Variants in ABCC6 observed in about 807,000 individuals in gnomAD.
ABCC6 encodes ATP-binding cassette sub-family C member 6.
In ABCC6, 126 loss-of-function variants were observed where a neutral mutation model predicts 169.5. That is an observed-to-expected ratio of 0.74 (90% CI 0.64 to 0.86). The LOEUF (loss-of-function observed/expected upper bound fraction) is 0.86, where lower values mean the gene tolerates loss of function less well. ABCC6 is among the 40% of genes least tolerant of loss of function. The pLI is 0.00. For synonymous variants in ABCC6, 752 were observed against 814.7 expected (o/e 0.92, Z 1.31); for missense variants, 1,733 against 1,927.2 (o/e 0.90, Z 1.89).
rs375196952 is a variant in ABCC6 at position 16,169,853 on chromosome 16, C to A, written c.2788G>T (p.Val930Leu). Residue 930 changes from valine to leucine, a missense_variant and splice_region_variant, in exon 22 of 31, where the codon GTG becomes TTG. By Grantham distance (32) the Val-to-Leu change is conservative. Around this residue, in one of 5 missense-constraint regions of ABCC6, gnomAD observed 1,601 missense variants for 1,635.5 expected, o/e 0.98. Coordinates refer to ENST00000205557, the MANE Select transcript of ABCC6 (RefSeq NM_001171.6). ...AGKDSIQYGR[V>L]KATVHLAYLR... ...TAGGCCAGGTGCACTGTGGCCTTCA[C>A]CTGTAGCACACATGAGGGAGAGGGA... 2 of 1,552,314 alleles carry A rather than the reference C, an allele frequency of 1.3e-6. No individual in the cohort carries two copies. The highest frequency in any genetic ancestry group is 2.7e-5 in the African/African-American group (2 of 73,124).
At chr16:16,157,856 T>C (rs1567469692) in intron 26 of ABCC6, 47 bp from the exon 27 acceptor site, 3 of 1,582,856 alleles carry the variant, frequency 1.9e-6, no homozygotes, top group South Asian at 2.2e-5. Flanking sequence ...CCTCTAAGAC[T>C]TCACACAAGA....
Position 16,187,229 on chromosome 16 carries a change from G to C in ABCC6, c.1780-18C>G. Reference sequence around the variant, plus strand: ...ACCCGGGCCTAGGAAAACCGAAGCCGCAGGTCACCCAGCAAGAAGAGCAAA... The same window carrying C: ...ACCCGGGCCTAGGAAAACCGAAGCCCCAGGTCACCCAGCAAGAAGAGCAAA... On this transcript the variant is annotated intron_variant, in intron 13 of 30. Coordinates refer to ENST00000205557, the MANE Select transcript of ABCC6 (RefSeq NM_001171.6). The C allele has an allele frequency of 6.2e-7, 1 of 1,606,706 alleles. No homozygotes were observed. Among genetic ancestry groups the C allele is most frequent in the Non-Finnish European group, 8.5e-7 (1 of 1,175,404 alleles).
At chr16:16,184,819 G>T in intron 15 of ABCC6, 140 bp downstream of exon 15, 1 of 891,688 alleles carries the variant, frequency 1.1e-6, no homozygotes, top group Non-Finnish European at 1.9e-6. Context: ...AACCTCCCCG[G>T]CAGAGCCCCA....
chr16:16,153,048 G>A (rs1401458860), intron 29 of ABCC6, among the ~76,000 whole-genome samples: 2 of 152,068 alleles, frequency 1.3e-5, no homozygotes, highest in Non-Finnish European at 2.9e-5. Context: ...GGGATTACAG[G>A]CGCCTGCCGC....
Position 16,188,896 on chromosome 16 carries a change from T to G in ABCC6, c.1714A>C (p.Thr572Pro), listed in dbSNP as rs1161212662. ...GCCTTGTTGAGGATGTTGAGAACTG[T>G]GAGAGTCACAAAGGCTTTCTCTGCA... ...MNAEKAFVTL[T>P]VLNILNKAQA... The change falls in exon 13 of 31, where the codon ACA becomes CCA. Residue 572 changes from threonine (T) to proline (P), a missense_variant. Transcript: ENST00000205557. 6.2e-7 allele frequency: 1 copy of G among 1,614,054 alleles called. No individual in the cohort carries two copies. The highest frequency in any genetic ancestry group is 1.7e-5 in the Admixed American group (1 of 60,024).
In ABCC6 at chr16:16,187,156, G is replaced by A. The variant is rs777763168; in HGVS notation, c.1835C>T (p.Pro612Leu). 7 of 1,613,602 alleles carry A rather than the reference G, an allele frequency of 4.3e-6. No homozygotes were observed. The East Asian group carries it at 1.1e-4, about 26-fold the overall frequency. Reference protein sequence around the residue: ...VTFLCLEEVDPGVVDSSSSGS... With the variant: ...VTFLCLEEVDLGVVDSSSSGS... ...AGAGGAACTTGAGTCTACGACACCAGGGTCAACTTCTTCCAGGCAGAGGAA... is the reference window on the plus strand; with the variant it reads ...AGAGGAACTTGAGTCTACGACACCAAGGTCAACTTCTTCCAGGCAGAGGAA... Residue 612 changes from proline (P) to leucine (L), a missense_variant, in exon 14 of 31, where the codon CCT (proline) becomes CTT (leucine). Transcript: ENST00000205557.
At position 16,175,897 on chromosome 16, in the gene ABCC6, C is replaced by G; in HGVS notation, c.2666+14G>C. Reference sequence around the variant, plus strand: ...GCCTGTGCCCTTCTGAGTGTGGCACCATGGTGGACTCACCTCTCGCGTCTA... The same window carrying G: ...GCCTGTGCCCTTCTGAGTGTGGCACGATGGTGGACTCACCTCTCGCGTCTA... On this transcript the variant is annotated intron_variant, in intron 20 of 30. Transcript: ENST00000205557. The G allele has an allele frequency of 4.3e-6, 7 of 1,614,064 alleles. No homozygotes were observed. The highest frequency in any genetic ancestry group is 5.9e-6 in the Non-Finnish European group (7 of 1,180,010).
At chr16:16,188,082 C>CAATA (rs200827049) in intron 13 of ABCC6, among the ~76,000 whole-genome samples, 4 of 151,554 alleles carry the variant, frequency 2.6e-5, no homozygotes, top group Non-Finnish European at 1.5e-5. Context: ...ACTAAAAACA[C>CAATA]AATAAATAAA....
intron 29 of ABCC6, among the ~76,000 whole-genome samples, chr16:16,152,215 A>AAAAAAAAAAT (rs2046406534): frequency 6.8e-6 from 1 of 146,820 alleles, no homozygotes; most frequent in African/African-American, 2.5e-5. Context: ...AAAAAAAAAA[A>AAAAAAAAAAT]GTGTGTAGGC....
rs1368059360 is a variant in ABCC6 at position 16,163,847 on chromosome 16, AGT to A, written c.3307-657_3307-656del. On this transcript the variant is annotated intron_variant, in intron 23 of 30. Transcript: ENST00000205557. ...TGAGCATTCGCGTCATTCATCAGTT[AGT>A]GGTGAGAACATCCAAGGCTCGGGGG... Among the ~76,000 whole-genome samples the A allele has an allele frequency of 7.2e-5, 11 of 152,286 alleles. No homozygotes were observed. In the East Asian group the frequency reaches 1.9e-3, roughly 27 times the overall value.
In ABCC6 at chr16:16,173,697, T is replaced by TTTC. The variant is rs555509124; in HGVS notation, c.2667-294_2667-293insGAA. ...TTGGAACTCTGTTCTCAGAATTTTC[T>TTTC]TTTTTTTTTTTTTTTGAGATGGGGT... On this transcript the variant is annotated intron_variant, in intron 20 of 30. Coordinates refer to ENST00000205557, the MANE Select transcript of ABCC6 (RefSeq NM_001171.6). 2.3e-3 allele frequency among the ~76,000 whole-genome samples: 309 copies of TTTC among 133,346 alleles called. 7 individuals are homozygous for TTTC. The highest frequency in any genetic ancestry group is 3.8e-3 in the Middle Eastern group (1 of 262). The allele number at this position is 133,346 out of a possible 152,430, so 87.5% of individuals were successfully genotyped here.
chr16:16,191,642 C>CATTTCCTTCCCT (rs2047857352), intron 11 of ABCC6, among the ~76,000 whole-genome samples: 1 of 144,104 alleles, frequency 6.9e-6, no homozygotes, highest in Non-Finnish European at 1.5e-5. Flanking sequence ...TTCCCTCTTT[C>CATTTCCTTCCCT]CTTTTATTTC....
Position 16,154,638 on chromosome 16 carries a change from C to T in ABCC6, c.4198G>A (p.Glu1400Lys), listed in dbSNP as rs63751241. ...GTGGGACGACCATACCTCAGGTCCTCGCCTCGGTCAGCACACTTGTACTGC... is the reference window on the plus strand; with the variant it reads ...GTGGGACGACCATACCTCAGGTCCTTGCCTCGGTCAGCACACTTGTACTGC... ...QLQYKCADRGEDLSVGQKQLL... is the reference protein window; with the variant it reads ...QLQYKCADRGKDLSVGQKQLL... Residue 1400 changes from glutamate (E) to lysine (K), a missense_variant, in exon 29 of 31, where the codon GAG becomes AAG. Transcript: ENST00000205557. 3.0e-5 allele frequency: 48 copies of T among 1,612,140 alleles called. No individual in the cohort carries two copies. The highest frequency in any genetic ancestry group is 2.0e-4 in the Middle Eastern group (1 of 4,938).
intron 25 of ABCC6, among the ~76,000 whole-genome samples, chr16:16,160,490 A>T (rs2046679492): frequency 6.6e-6 from 1 of 152,016 alleles, no homozygotes; most frequent in Non-Finnish European, 1.5e-5. Context: ...CAAAAGAGTG[A>T]GACCTTGTCT....
rs778544828 is a variant in ABCC6, at chr16:16,221,750, G to T, written c.118C>A (p.Pro40Thr). Residue 40 changes from proline (P) to threonine (T), a missense_variant, in exon 2 of 31, where the codon CCC becomes ACC. Physicochemically the swap from Pro to Thr is conservative, Grantham distance 38. Coordinates refer to ENST00000205557, the MANE Select transcript of ABCC6 (RefSeq NM_001171.6). ...CCAAGGACCCAGAGGTACATGGGGG[G>T]TACCCAGACCCCTGCTGTTCTCAGG... is the stretch of plus-strand genomic sequence containing the variant. Reference protein sequence around the residue: ...CFLRTAGVWVPPMYLWVLGPI... With the variant: ...CFLRTAGVWVTPMYLWVLGPI... The T allele has an allele frequency of 1.2e-6, 2 of 1,613,712 alleles. No individual in the cohort carries two copies. The highest frequency in any genetic ancestry group is 1.1e-5 in the South Asian group (1 of 91,060).
rs531497267 is a variant in ABCC6 at position 16,215,088 on chromosome 16, C to G, written c.475-639G>C. Among the ~76,000 whole-genome samples the G allele has an allele frequency of 2.0e-5, 3 of 152,358 alleles. No individual in the cohort carries two copies. The East Asian group carries it at 5.8e-4, about 29-fold the overall frequency. ...CAAAAGAAATCCTTTCTCCGTTCCA[C>G]CCTCTACCCCAATCTTCAACCCTGC... On this transcript the variant is annotated intron_variant, in intron 4 of 30. Transcript: ENST00000205557.
chr16:16,171,704 C>A (rs8045279), intron 21 of ABCC6, among the ~76,000 whole-genome samples: 56,918 of 151,570 alleles, frequency 0.38, 11,493 homozygotes, highest in South Asian at 0.64. Flanking sequence ...GATGGGTAAG[C>A]GAATGGGATG....
chr16:16,169,563 C>G lies in ABCC6; in HGVS notation c.2995+83G>C. 6 of 1,508,856 alleles carry G rather than the reference C, an allele frequency of 4.0e-6. No homozygotes were observed. In the South Asian group the frequency reaches 7.1e-5, roughly 18 times the overall value. The allele number at this position is 1,508,856 out of a possible 1,614,324, so 93.5% of individuals were successfully genotyped here. A position where few individuals can be genotyped will look rare whatever the true frequency, so the allele number is the denominator to read the frequency against. ...ACTGTTCCAGGGGGACAGGGTGACC[C>G]AGGGAGGGGTGGGGTAAAGGAGTCC... On this transcript the variant is annotated intron_variant, in intron 22 of 30. Coordinates refer to ENST00000205557, the MANE Select transcript of ABCC6 (RefSeq NM_001171.6).
In ABCC6 at chr16:16,201,986, T is replaced by A. The variant is rs764956250; in HGVS notation, c.1176+15A>T. 1 of 1,613,906 alleles carries A rather than the reference T, an allele frequency of 6.2e-7. No homozygotes were observed. Among genetic ancestry groups the A allele is most frequent in the East Asian group, 2.2e-5 (1 of 44,888 alleles). Reference sequence around the variant, plus strand: ...TCCTGGCTGGGAAGACCTGCCCTTGTCCCCCAGGGCTCACCTTTCTGTACA... The same window carrying A: ...TCCTGGCTGGGAAGACCTGCCCTTGACCCCCAGGGCTCACCTTTCTGTACA... On this transcript the variant is annotated intron_variant, in intron 9 of 30. Coordinates refer to ENST00000205557, the MANE Select transcript of ABCC6 (RefSeq NM_001171.6).
Sources: allele counts gnomAD v4.1 joint callset (sites outside exome capture counted in the v4.1 genomes callset), GRCh38; gene constraint gnomAD v4.1.1; regional missense constraint gnomAD v4.1.1; transcripts MANE v1.5; gene names NCBI Gene and HGNC (gene_info 2026-07-23, HGNC 2026-07-21).